KCNJ12: variants seen among roughly 807,000 people sequenced by gnomAD.
KCNJ12 encodes the protein potassium inwardly rectifying channel subfamily J member 12.
KCNJ12 carries 2 observed loss-of-function variants against 22.3 expected under a neutral mutation model. The observed-to-expected ratio is 0.09, with a 90% CI of 0.04 to 0.28. KCNJ12 has a LOEUF of 0.28. Among genes scored for constraint, KCNJ12 ranks in the 10% least tolerant of loss-of-function variants. KCNJ12 has a pLI of 1.00. For missense variants in KCNJ12, 155 were observed against 633.3 expected, an observed-to-expected ratio of 0.24 and a Z score of 8.11; for synonymous variants, 117 against 261.4, an observed-to-expected ratio of 0.45 and a Z score of 5.33.
At chr17:21,409,064 C>G (rs2142071402) in intron 2 of KCNJ12, among the ~76,000 whole-genome samples, 1 of 152,428 alleles carries the variant, frequency 6.6e-6, no homozygotes, top group Non-Finnish European at 1.5e-5. Flanking sequence ...CTTCATCTGG[C>G]TGGAGCGCAT....
chr17:21,383,284 G>C (rs1044380386), intron 1 of KCNJ12, among the ~76,000 whole-genome samples: 4 of 152,216 alleles, frequency 2.6e-5, no homozygotes, highest in Non-Finnish European at 4.4e-5. Context: ...AAAATAAATC[G>C]CTGCCAGCAG....
intron 1 of KCNJ12, among the ~76,000 whole-genome samples, chr17:21,408,136 G>A (rs1381796329): frequency 4.6e-5 from 7 of 152,310 alleles, no homozygotes; most frequent in Non-Finnish European, 1.0e-4. Flanking sequence ...ATTCCTTTGT[G>A]ACAGTGGGAG....
At chr17:21,381,693 C>A (rs1472410758) in intron 1 of KCNJ12, among the ~76,000 whole-genome samples, 2 of 152,200 alleles carry the variant, frequency 1.3e-5, no homozygotes, top group Non-Finnish European at 2.9e-5. Context: ...GCCTCCCTTT[C>A]CCCCATGTTC....
chr17:21,393,488 C>G (rs1196269702), intron 1 of KCNJ12, among the ~76,000 whole-genome samples: 1 of 152,172 alleles, frequency 6.6e-6, no homozygotes, highest in Non-Finnish European at 1.5e-5. Flanking sequence ...CTCTTGCTTA[C>G]GAAGCCAGCA....
chr17:21,381,294 A>T (rs1367949195), intron 1 of KCNJ12, among the ~76,000 whole-genome samples: 1 of 152,098 alleles, frequency 6.6e-6, no homozygotes, highest in African/African-American at 2.4e-5. Context: ...CCAGGGAACA[A>T]ACAATAAAGC....
rs1275894639 is a variant in KCNJ12 at position 21,408,244 on chromosome 17, A to G, written c.-178-275A>G. Among the ~76,000 whole-genome samples, 4 of 152,396 alleles carry G rather than the reference A, an allele frequency of 2.6e-5. No individual in the cohort carries two copies. In the South Asian group the frequency reaches 6.2e-4, roughly 24 times the overall value. On this transcript the variant is annotated intron_variant, in intron 1 of 2. Coordinates refer to ENST00000583088, the MANE Select transcript of KCNJ12 (RefSeq NM_021012.5). ...GTGAGATGATGTATGTAAAATGCCTACTATAGTGTCTGGCATGCAATAGGC... is the reference window on the plus strand; with the variant it reads ...GTGAGATGATGTATGTAAAATGCCTGCTATAGTGTCTGGCATGCAATAGGC...
rs1438195178 is a variant in KCNJ12 at position 21,418,369 on chromosome 17, G to A, written c.*1725G>A. 1 of 165,468 alleles carries A rather than the reference G, an allele frequency of 6.0e-6. No individual in the cohort carries two copies. Among genetic ancestry groups the A allele is most frequent in the Non-Finnish European group, 1.5e-5 (1 of 68,194 alleles). 10.2% of individuals were successfully genotyped at this position (165,468 alleles called of 1,614,324 possible). A position where few individuals can be genotyped will look rare whatever the true frequency, so the allele number is the denominator to read the frequency against. ...AGACAGCTCAGAGCCAGAAGGCACC[G>A]AGGACTCTGGCCCAAGTGGGGAAGC... On this transcript the variant is annotated 3_prime_UTR_variant, in exon 3 of 3. Transcript: ENST00000583088.
intron 1 of KCNJ12, among the ~76,000 whole-genome samples, chr17:21,400,591 G>T (rs1285923557): frequency 3.3e-5 from 5 of 152,304 alleles, no homozygotes; most frequent in African/African-American, 1.2e-4. Context: ...TGAACAAGTG[G>T]CTGGATGGGT....
At chr17:21,392,074 G>T (rs2142054893) in intron 1 of KCNJ12, among the ~76,000 whole-genome samples, 1 of 152,318 alleles carries the variant, frequency 6.6e-6, no homozygotes, top group African/African-American at 2.4e-5. Flanking sequence ...GGGACTTTGG[G>T]CTCCTGGACA....
At chr17:21,414,153 G>A (rs1475658069) in intron 2 of KCNJ12, among the ~76,000 whole-genome samples, 6 of 152,300 alleles carry the variant, frequency 3.9e-5, no homozygotes. Flanking sequence ...CGACAGGGGT[G>A]GCAGGCCGCA....
intron 1 of KCNJ12, among the ~76,000 whole-genome samples, chr17:21,400,962 A>G (rs1372261100): frequency 2.0e-5 from 3 of 152,304 alleles, no homozygotes; most frequent in Non-Finnish European, 4.4e-5. Flanking sequence ...CTGCATTGCT[A>G]TAGGGCCTGG....
intron 1 of KCNJ12, among the ~76,000 whole-genome samples, chr17:21,377,943 T>C (rs1904723937): frequency 1.3e-5 from 2 of 152,148 alleles, no homozygotes. Flanking sequence ...TCTTTTTTGC[T>C]CCCCTATACC....
At chr17:21,387,440 CA>C (rs782125409) in intron 1 of KCNJ12, among the ~76,000 whole-genome samples, 1,007 of 36,488 alleles carry the variant, frequency 0.028, 3 homozygotes, top group African/African-American at 0.072. Context: ...GACTCTATCT[CA>C]AAAAAAAAAA....
chr17:21,405,651 G>C (rs566360842), intron 1 of KCNJ12, among the ~76,000 whole-genome samples: 6 of 152,402 alleles, frequency 3.9e-5, no homozygotes, highest in Non-Finnish European at 8.8e-5. Flanking sequence ...GGGCCAGCCC[G>C]GCCTGTTGGC....
chr17:21,382,402 G>T (rs534078911), intron 1 of KCNJ12, among the ~76,000 whole-genome samples: 2 of 152,320 alleles, frequency 1.3e-5, no homozygotes, highest in South Asian at 4.1e-4. Flanking sequence ...GCAGGGAGGG[G>T]ACAGTGTCTC....
At chr17:21,393,017 G>C (rs1905246853) in intron 1 of KCNJ12, among the ~76,000 whole-genome samples, 1 of 152,158 alleles carries the variant, frequency 6.6e-6, no homozygotes, top group African/African-American at 2.4e-5. Flanking sequence ...TTCTTTCCGA[G>C]TCCCCTACTC....
intron 2 of KCNJ12, among the ~76,000 whole-genome samples, chr17:21,411,209 A>T (rs1906323800): frequency 2.0e-5 from 3 of 152,304 alleles, no homozygotes; most frequent in Non-Finnish European, 4.4e-5. Flanking sequence ...TTCCATCCGG[A>T]AGCACCTCCC....
chr17:21,386,518 TG>T (rs1391437366), intron 1 of KCNJ12, among the ~76,000 whole-genome samples: 4 of 152,278 alleles, frequency 2.6e-5, no homozygotes, highest in Middle Eastern at 3.4e-3. Flanking sequence ...TTTAACTATA[TG>T]TTTTTTTGAT....
intron 1 of KCNJ12, among the ~76,000 whole-genome samples, chr17:21,402,596 C>G (rs1338911708): frequency 5.3e-5 from 8 of 152,312 alleles, no homozygotes; most frequent in Non-Finnish European, 1.2e-4. Flanking sequence ...AGCCTCCTGC[C>G]CATGGTAGGG....
Sources: gnomAD v4.1 joint callset for allele counts (sites outside exome capture counted in the v4.1 genomes callset) on GRCh38, gnomAD v4.1.1 for gene constraint, MANE v1.5 for transcripts, NCBI Gene and HGNC (gene_info 2026-07-23, HGNC 2026-07-21) for gene names.